CBR4: variants seen among roughly 807,000 people sequenced by gnomAD.
The protein encoded by CBR4 is carbonyl reductase 4.
CBR4 carries 22 observed loss-of-function variants against 21.0 expected under a neutral mutation model. The observed-to-expected ratio is 1.05, with a 90% CI of 0.75 to 1.50. The LOEUF (loss-of-function observed/expected upper bound fraction) is 1.50. CBR4 is among the 40% of genes most tolerant of loss of function. The pLI is 0.00. For missense variants in CBR4, 302 were observed against 286.3 expected (o/e 1.05, Z -0.40); for synonymous variants, 100 against 104.4 (o/e 0.96, Z 0.26).
At chr4:168,993,881 G>A (rs1765047661) in intron 4 of CBR4, among the ~76,000 whole-genome samples, 1 of 151,996 alleles carries the variant, frequency 6.6e-6, no homozygotes, top group Admixed American at 6.6e-5. Context: ...AGTATTTTGT[G>A]GTTAAAAAAA....
chr4:168,924,211 C>G (rs1296459108), intron 2 of CBR4: 1 of 1,560,862 alleles, frequency 6.4e-7, no homozygotes, highest in East Asian at 2.2e-5. Flanking sequence ...TCTAGTGCTC[C>G]TTTTGTATAT....
chr4:168,996,931 T>C (rs985439002), intron 4 of CBR4, among the ~76,000 whole-genome samples: 1 of 152,206 alleles, frequency 6.6e-6, no homozygotes, highest in African/African-American at 2.4e-5. Flanking sequence ...TTCCATATCA[T>C]GTATCACAGA....
chr4:168,975,856 G>T (rs762820466), intron 2 of CBR4, among the ~76,000 whole-genome samples: 1 of 152,068 alleles, frequency 6.6e-6, no homozygotes, highest in South Asian at 2.1e-4. Flanking sequence ...CATACAGGTT[G>T]CCAGGGAAGT....
chr4:168,951,183 TA>T (rs1255164389), intron 2 of CBR4, among the ~76,000 whole-genome samples: 2 of 152,026 alleles, frequency 1.3e-5, no homozygotes, highest in South Asian at 2.1e-4. Context: ...CTCAGCCTCC[TA>T]AGTAGCTGGG....
chr4:168,989,228 T>G lies in CBR4; in HGVS notation c.*922A>C, dbSNP rs17054607. On this transcript the variant is annotated 3_prime_UTR_variant, in exon 5 of 5. Coordinates refer to ENST00000306193, the MANE Select transcript of CBR4 (RefSeq NM_032783.5). ...TACTCTTAATTTTTTAAATGTTGTA[T>G]TTCTCGTTTTTAAATATTAATAGTT... 0.14 allele frequency: 141,342 copies of G among 975,106 alleles called. 10,640 individuals are homozygous for G. Among genetic ancestry groups the G allele is most frequent in the African/African-American group, 0.23 (12,865 of 57,080 alleles). The allele number at this position is 975,106 out of a possible 1,614,324, so 60.4% of individuals were successfully genotyped here. A position where few individuals can be genotyped will look rare whatever the true frequency, so the allele number is the denominator to read the frequency against.
At chr4:168,951,934 G>A (rs1763551975) in intron 2 of CBR4, among the ~76,000 whole-genome samples, 1 of 152,160 alleles carries the variant, frequency 6.6e-6, no homozygotes, top group South Asian at 2.1e-4. Context: ...GGTGTTCTTT[G>A]TGCTTCTTGT....
intron 3 of CBR4, among the ~76,000 whole-genome samples, chr4:169,003,953 G>A (rs1579023979): frequency 6.6e-6 from 1 of 152,274 alleles, no homozygotes; most frequent in Non-Finnish European, 1.5e-5. Flanking sequence ...TGTGGGGTGG[G>A]GGAAGCGGGG....
intron 2 of CBR4, among the ~76,000 whole-genome samples, chr4:168,899,279 T>C (rs1357830949): frequency 6.6e-6 from 1 of 151,972 alleles, no homozygotes. Context: ...TACAAACATA[T>C]GGAAATGCTG....
intron 2 of CBR4, among the ~76,000 whole-genome samples, chr4:168,941,971 T>G (rs539622183): frequency 4.6e-5 from 7 of 152,270 alleles, no homozygotes; most frequent in African/African-American, 1.7e-4. Flanking sequence ...AGCAAAGACT[T>G]GGGAACCAAC....
In CBR4 at chr4:169,010,106, C is replaced by CCCTGTTA. The variant is rs766089002; in HGVS notation, c.-18_-17insTAACAGG. 6.3e-7 allele frequency: 1 copy of CCCTGTTA among 1,597,920 alleles called. No individual in the cohort carries two copies. Among genetic ancestry groups the CCCTGTTA allele is most frequent in the Non-Finnish European group, 8.5e-7 (1 of 1,172,076 alleles). ...TTTGTCCATCTCGGAGTCACAAACT[C>CCCTGTTA]GGAGGAAAGAGGGTAGGGAGTGGGA... On this transcript the variant is annotated 5_prime_UTR_variant, in exon 1 of 5. Coordinates refer to ENST00000306193, the MANE Select transcript of CBR4 (RefSeq NM_032783.5).
chr4:168,977,086 T>C (rs1248237831), intron 2 of CBR4, among the ~76,000 whole-genome samples: 1 of 152,232 alleles, frequency 6.6e-6, no homozygotes. Context: ...TTCTTTCAGT[T>C]TTCCTGATAT....
At chr4:168,962,310 G>A (rs1560965848) in intron 2 of CBR4, among the ~76,000 whole-genome samples, 1 of 152,138 alleles carries the variant, frequency 6.6e-6, no homozygotes, top group Admixed American at 6.5e-5. Flanking sequence ...CAAGACAGGT[G>A]GAGATGTTAT....
At chr4:169,001,934 C>T (rs185862911) in intron 4 of CBR4, 137 bp downstream of exon 4, 9,152 of 887,740 alleles carry the variant, frequency 0.01, 67 homozygotes, top group Non-Finnish European at 0.012. Flanking sequence ...TTTGAGTCCC[C>T]CAGTTCATTA....
intron 1 of CBR4, chr4:169,009,028 C>G (rs937745327): frequency 6.6e-6 from 3 of 451,150 alleles, no homozygotes; most frequent in African/African-American, 4.1e-5. Flanking sequence ...GAGTTGGGGT[C>G]CAGCACGGGC....
At position 168,990,435 on chromosome 4, in the gene CBR4, TTA is replaced by T. The variant is rs1491314131; in HGVS notation, c.536-109_536-108del. On this transcript the variant is annotated intron_variant, in intron 4 of 4. Transcript: ENST00000306193. ...TCTGAAAATTTTAATTTGAAATTAT[TTA>T]AAAAAAAATTTTTTTTTGAGACAGG... 7.8e-6 allele frequency: 9 copies of T among 1,146,660 alleles called. No individual in the cohort carries two copies. The African/African-American group carries it at 9.6e-5, about 12-fold the overall frequency. The allele number at this position is 1,146,660 out of a possible 1,614,324, so 71.0% of individuals were successfully genotyped here.
At chr4:168,931,734 T>C (rs904061428) in intron 2 of CBR4, among the ~76,000 whole-genome samples, 1 of 151,890 alleles carries the variant, frequency 6.6e-6, no homozygotes, top group Non-Finnish European at 1.5e-5. Context: ...TGCCCCCAAT[T>C]TGAGAAACAA....
At chr4:168,970,552 A>G (rs1261651307) in intron 2 of CBR4, among the ~76,000 whole-genome samples, 1 of 152,122 alleles carries the variant, frequency 6.6e-6, no homozygotes, top group African/African-American at 2.4e-5. Flanking sequence ...TAAGTTATTT[A>G]GGTGTGATTT....
At chr4:168,925,157 T>A in intron 2 of CBR4, 1 of 1,582,828 alleles carries the variant, frequency 6.3e-7, no homozygotes, top group Non-Finnish European at 8.7e-7. Flanking sequence ...GCAAATCACA[T>A]TACTCTTTAT....
intron 2 of CBR4, among the ~76,000 whole-genome samples, chr4:168,918,143 A>C (rs1348291563): frequency 2.0e-5 from 3 of 151,404 alleles, no homozygotes; most frequent in African/African-American, 7.3e-5. Flanking sequence ...AGGTTGCATC[A>C]CTGCATTCCA....
Sources: gnomAD v4.1 joint callset for allele counts (sites outside exome capture counted in the v4.1 genomes callset) on GRCh38, gnomAD v4.1.1 for gene constraint, MANE v1.5 for transcripts, NCBI Gene and HGNC (gene_info 2026-07-23, HGNC 2026-07-21) for gene names.